The following GALNS variants were observed in gnomAD, a reference collection of about 807,000 sequenced individuals.
GALNS encodes galactosamine (N-acetyl)-6-sulfatase.
A neutral mutation model predicts 65.9 loss-of-function variants in GALNS; 65 were observed. The observed-to-expected ratio is 0.99, with a 90% CI of 0.81 to 1.21. The LOEUF is 1.21. Ranked by LOEUF, GALNS falls within the 50% of genes most tolerant of loss-of-function variation. The pLI, the probability that GALNS is intolerant of heterozygous loss-of-function variation, is 0.00. For missense variants in GALNS, 776 were observed against 700.7 expected (o/e 1.11, Z -1.21); for synonymous variants, 346 against 288.9 (o/e 1.20, Z -2.00).
Position 88,826,849 on chromosome 16 carries a change from T to G in GALNS, c.1003-11A>C, listed in dbSNP as rs1247546674. ...CAGCTGGTGGCTCACCTGAAACACA[T>G]GGCAGCAACACGGTCAGGGCACTCT... On this transcript the variant is annotated splice_polypyrimidine_tract_variant and intron_variant, in intron 9 of 13. Coordinates refer to ENST00000268695, the MANE Select transcript of GALNS (RefSeq NM_000512.5). 1 of 1,568,708 alleles carries G rather than the reference T, an allele frequency of 6.4e-7. No individual in the cohort carries two copies. Among genetic ancestry groups the G allele is most frequent in the Non-Finnish European group, 8.6e-7 (1 of 1,157,644 alleles).
At position 88,814,019 on chromosome 16, in the gene GALNS, G is replaced by T. The variant is rs1015181418; in HGVS notation, c.*420C>A. 7 of 325,650 alleles carry T rather than the reference G, an allele frequency of 2.1e-5. No homozygotes were observed. The highest frequency in any genetic ancestry group is 3.0e-5 in the Non-Finnish European group (5 of 165,624). 20.2% of individuals were successfully genotyped at this position (325,650 alleles called of 1,614,324 possible). A position where few individuals can be genotyped will look rare whatever the true frequency, so the allele number is the denominator to read the frequency against. ...AACCAATGTACGCCATACACATACT[G>T]ATCTTGTGTCTCCCTAAGATGTATA... is the stretch of plus-strand genomic sequence containing the variant. On this transcript the variant is annotated 3_prime_UTR_variant, in exon 14 of 14. Coordinates refer to ENST00000268695, the MANE Select transcript of GALNS (RefSeq NM_000512.5).
rs576918807 is a variant in GALNS at position 88,842,119 on chromosome 16, T to C, written c.245-148A>G. On this transcript the variant is annotated intron_variant, in intron 2 of 13. Transcript: ENST00000268695. ...GGGCTGCCACGCCTGTCAATCCCCGTTAGCGTCTCCACCACCTGGGTGGGG... is the reference window on the plus strand; with the variant it reads ...GGGCTGCCACGCCTGTCAATCCCCGCTAGCGTCTCCACCACCTGGGTGGGG... 27 of 749,864 alleles carry C rather than the reference T, an allele frequency of 3.6e-5. No individual in the cohort carries two copies. In the East Asian group the frequency reaches 7.3e-4, roughly 20 times the overall value. The allele number at this position is 749,864 out of a possible 1,614,324, so 46.5% of individuals were successfully genotyped here. A position where few individuals can be genotyped will look rare whatever the true frequency, so the allele number is the denominator to read the frequency against.
Position 88,855,322 on chromosome 16 carries a change from G to A in GALNS, c.120+1436C>T, listed in dbSNP as rs561433536. The A allele has an allele frequency of 7.0e-5, 49 of 700,524 alleles. 1 individual carries two copies. In the South Asian group the frequency reaches 7.3e-4, roughly 10 times the overall value. The allele number at this position is 700,524 out of a possible 1,614,324, so 43.4% of individuals were successfully genotyped here. On this transcript the variant is annotated intron_variant, in intron 1 of 13. Coordinates refer to ENST00000268695, the MANE Select transcript of GALNS (RefSeq NM_000512.5). ...CATCCAGCGAAGCTATGCTGGCCCA[G>A]AAGGAGTTACACAATGAAAAGAAGA... is the stretch of plus-strand genomic sequence containing the variant.
chr16:88,840,824 G>T, intron 4 of GALNS, 168 bp downstream of exon 4: 7 of 668,688 alleles, frequency 1.0e-5, no homozygotes, highest in South Asian at 3.2e-5. Flanking sequence ...GCAAGGTCAC[G>T]CTGGCCTGCA....
At chr16:88,817,143 CG>C in intron 13 of GALNS, 1 of 985,478 alleles carries the variant, frequency 1.0e-6, no homozygotes, top group African/African-American at 1.7e-5. Flanking sequence ...ACTGCACACG[CG>C]GGATGGCTGG....
intron 4 of GALNS, chr16:88,838,895 G>A (rs1199447379): frequency 6.6e-6 from 1 of 152,366 alleles, no homozygotes; most frequent in Non-Finnish European, 1.5e-5. Context: ...CCCTGGACAT[G>A]GCCTCTGTAC....
At chr16:88,835,911 G>T in intron 6 of GALNS, 62 bp from the exon 7 acceptor site, 1 of 1,610,756 alleles carries the variant, frequency 6.2e-7, no homozygotes. Flanking sequence ...GCCTCCCACG[G>T]TCCCCGTCCC....
At chr16:88,820,233 ATT>A (rs1910064886) in intron 12 of GALNS, among the ~76,000 whole-genome samples, 1 of 152,068 alleles carries the variant, frequency 6.6e-6, no homozygotes, top group Admixed American at 6.6e-5. Context: ...GGTTCAAGCA[ATT>A]CTCCCGCCTC....
intron 9 of GALNS, among the ~76,000 whole-genome samples, chr16:88,830,673 G>T (rs534557961): frequency 6.6e-6 from 1 of 152,210 alleles, no homozygotes; most frequent in Non-Finnish European, 1.5e-5. Flanking sequence ...ATTCTCAACC[G>T]AGGGGCAGCT....
chr16:88,841,314 A>G (rs899575690), intron 3 of GALNS, among the ~76,000 whole-genome samples: 1 of 152,088 alleles, frequency 6.6e-6, no homozygotes, highest in African/African-American at 2.4e-5. Context: ...GAGGGTGGGG[A>G]CGGGGCAGAC....
At position 88,814,446 on chromosome 16, in the gene GALNS, G is replaced by T; in HGVS notation, c.1562C>A (p.Ser521Tyr). ...PESIPKKCLW[S>Y]H ...CCTGAGTCTGCGCAGGTGCTAGTGG[G>T]ACCAGAGGCACTTCTTGGGAATGGA... The change falls in exon 14 of 14, where the codon TCC (serine) becomes TAC (tyrosine). Residue 521 changes from serine to tyrosine, a missense_variant. Transcript: ENST00000268695. 6.4e-7 allele frequency: 1 copy of T among 1,559,656 alleles called. No individual in the cohort carries two copies. The highest frequency in any genetic ancestry group is 1.2e-5 in the South Asian group (1 of 84,574).
chr16:88,825,420 GGTGCCTGGGTGTCTAGGGCTGGA>G (rs1288830239), intron 10 of GALNS, among the ~76,000 whole-genome samples: 6 of 143,648 alleles, frequency 4.2e-5, no homozygotes, highest in Admixed American at 2.0e-4. Context: ...GGGTGTCTGG[GGTGCCTGGGTGTCTAGGGCTGGA>G]GTGCCTGGGC....
intron 1 of GALNS, chr16:88,845,076 G>A (rs144222297): frequency 0.018 from 2,779 of 152,338 alleles, 35 homozygotes; most frequent in Non-Finnish European, 0.024. Context: ...GGCCGGGCTC[G>A]GTGGCTCACG....
intron 8 of GALNS, 102 bp from the exon 9 acceptor site, chr16:88,832,203 G>A (rs1911580982): frequency 2.8e-6 from 3 of 1,071,228 alleles, no homozygotes; most frequent in Non-Finnish European, 4.2e-6. Context: ...GGGACAAAGG[G>A]CCCGGCCAAG....
intron 12 of GALNS, among the ~76,000 whole-genome samples, chr16:88,819,263 T>G: frequency 6.6e-6 from 1 of 151,486 alleles, no homozygotes; most frequent in Non-Finnish European, 1.5e-5. Flanking sequence ...GGCCTGGGGT[T>G]GCATCAGAGG....
chr16:88,843,729 A>C (rs866176688), intron 1 of GALNS: 17 of 153,338 alleles, frequency 1.1e-4, no homozygotes, highest in Middle Eastern at 3.1e-3. Context: ...TGGCCTCCAG[A>C]ATCCGGCAAG....
At chr16:88,846,509 C>CTTTTTT (rs59223444) in intron 1 of GALNS, among the ~76,000 whole-genome samples, 9 of 88,696 alleles carry the variant, frequency 1.0e-4, no homozygotes, top group Non-Finnish European at 1.5e-4. Context: ...GCGTTTCTGG[C>CTTTTTT]TTTTTTTTTT....
At chr16:88,855,566 G>C (rs769349745) in intron 1 of GALNS, 2 of 692,412 alleles carry the variant, frequency 2.9e-6, no homozygotes, top group Admixed American at 2.1e-5. Context: ...CAGCTGCCCA[G>C]GACTGTCGGC....
intron 1 of GALNS, among the ~76,000 whole-genome samples, chr16:88,846,605 G>A (rs1220469078): frequency 2.8e-5 from 4 of 144,430 alleles, no homozygotes; most frequent in African/African-American, 7.7e-5. Context: ...TTGCCTGCAC[G>A]ATCTCGGCTC....
Sources: allele counts gnomAD v4.1 joint callset (sites outside exome capture counted in the v4.1 genomes callset), GRCh38; gene constraint gnomAD v4.1.1; transcripts MANE v1.5; gene names NCBI Gene and HGNC (gene_info 2026-07-23, HGNC 2026-07-21).